CTNNA3: variants seen among roughly 807,000 people sequenced by gnomAD.
CTNNA3 encodes the protein catenin alpha-3.
A neutral mutation model predicts 95.7 loss-of-function variants in CTNNA3; 76 were observed. That is an observed-to-expected ratio of 0.79 (90% CI 0.66 to 0.96). The LOEUF (loss-of-function observed/expected upper bound fraction) is 0.96, where lower values mean the gene tolerates loss of function less well. Among genes scored for constraint, CTNNA3 ranks in the 40% least tolerant of loss-of-function variants. The pLI is 0.00. For synonymous variants in CTNNA3, 431 were observed against 374.4 expected (o/e 1.15, Z -1.74); for missense variants, 1,191 against 1,089.8 (o/e 1.09, Z -1.31).
At chr10:66,899,174 C>G (rs549151851) in intron 7 of CTNNA3, among the ~76,000 whole-genome samples, 3 of 152,030 alleles carry the variant, frequency 2.0e-5, no homozygotes, top group African/African-American at 7.2e-5. Context: ...CACACACCTG[C>G]TAGGATGGCT....
At chr10:66,283,742 C>T (rs890818929) in intron 12 of CTNNA3, among the ~76,000 whole-genome samples, 4 of 151,898 alleles carry the variant, frequency 2.6e-5, no homozygotes, top group Non-Finnish European at 4.4e-5. Flanking sequence ...ATTCATTTCT[C>T]ATTTCATTAG....
At chr10:67,450,151 T>C (rs532913910) in intron 5 of CTNNA3, among the ~76,000 whole-genome samples, 2 of 152,282 alleles carry the variant, frequency 1.3e-5, no homozygotes, top group East Asian at 3.9e-4. Flanking sequence ...AAATAACACA[T>C]GCTGGTCAAG....
intron 5 of CTNNA3, among the ~76,000 whole-genome samples, chr10:67,362,604 T>A (rs1005026598): frequency 2.0e-5 from 3 of 151,796 alleles, no homozygotes; most frequent in Non-Finnish European, 2.9e-5. Flanking sequence ...CGAGCATATC[T>A]CAAAATAATA....
intron 7 of CTNNA3, among the ~76,000 whole-genome samples, chr10:67,000,092 A>G (rs544033749): frequency 6.6e-6 from 1 of 152,272 alleles, no homozygotes; most frequent in Admixed American, 6.5e-5. Flanking sequence ...TTTTCTCCAT[A>G]TTTCTAACAA....
intron 10 of CTNNA3, among the ~76,000 whole-genome samples, chr10:66,612,968 A>C (rs1589496482): frequency 6.6e-6 from 1 of 152,084 alleles, no homozygotes; most frequent in Non-Finnish European, 1.5e-5. Context: ...TTTGATTATA[A>C]ACTTAATGTC....
At chr10:65,990,097 ACACACACACACAC>A (rs2078511028) in intron 15 of CTNNA3, among the ~76,000 whole-genome samples, 1 of 68,036 alleles carries the variant, frequency 1.5e-5, no homozygotes, top group Non-Finnish European at 2.6e-5. Flanking sequence ...GTGTGTGTAT[ACACACACACACAC>A]CACATTTTAT....
At chr10:66,868,052 G>A (rs184814157) in intron 7 of CTNNA3, among the ~76,000 whole-genome samples, 80 of 148,492 alleles carry the variant, frequency 5.4e-4, no homozygotes, top group African/African-American at 1.5e-3. Flanking sequence ...TAATAATAAT[G>A]ATTGCTATAT....
intron 7 of CTNNA3, among the ~76,000 whole-genome samples, chr10:66,983,549 G>T (rs1273375442): frequency 1.3e-5 from 2 of 151,676 alleles, no homozygotes; most frequent in African/African-American, 4.9e-5. Flanking sequence ...CCCAACCATG[G>T]TAACATCTAA....
chr10:66,479,950 T>TCACACA (rs71466882), intron 11 of CTNNA3, among the ~76,000 whole-genome samples: 48,144 of 145,206 alleles, frequency 0.33, 8,684 homozygotes, highest in Non-Finnish European at 0.4. Context: ...ACCAAAGCAT[T>TCACACA]CACACACACA....
chr10:66,578,503 T>C (rs1843076637), intron 10 of CTNNA3, among the ~76,000 whole-genome samples: 1 of 152,020 alleles, frequency 6.6e-6, no homozygotes, highest in African/African-American at 2.4e-5. Flanking sequence ...TGATGCCTAA[T>C]TTCTTGAGGG....
chr10:67,588,228 TATTATTAATTATTAATAATTA>T (rs754471741), intron 3 of CTNNA3, among the ~76,000 whole-genome samples: 61,160 of 151,788 alleles, frequency 0.4, 15,849 homozygotes, highest in African/African-American at 0.71. Flanking sequence ...AGATCTATCT[TATTATTAATTATTAATAATTA>T]AGAATTATTG....
intron 1 of CTNNA3, among the ~76,000 whole-genome samples, chr10:67,754,611 C>T (rs779991352): frequency 1.8e-4 from 28 of 152,094 alleles, no homozygotes; most frequent in Admixed American, 6.5e-4. Flanking sequence ...GGAAATGCTC[C>T]AGGACATTGG....
chr10:66,600,469 A>T (rs1251441818), intron 10 of CTNNA3, among the ~76,000 whole-genome samples: 2 of 151,792 alleles, frequency 1.3e-5, no homozygotes, highest in Non-Finnish European at 3.0e-5. Context: ...TTTAGTCAAA[A>T]GCTTTGACTA....
chr10:66,171,430 C>T (rs929625586), intron 13 of CTNNA3, among the ~76,000 whole-genome samples: 3 of 151,390 alleles, frequency 2.0e-5, no homozygotes, highest in African/African-American at 7.3e-5. Flanking sequence ...CCCGTAACCC[C>T]AGCTACTTGG....
At chr10:66,266,148 G>A (rs1258102672) in intron 13 of CTNNA3, among the ~76,000 whole-genome samples, 1 of 151,128 alleles carries the variant, frequency 6.6e-6, no homozygotes, top group East Asian at 2.0e-4. Flanking sequence ...AGGAAAGAAG[G>A]AAGGAAGGAA....
intron 13 of CTNNA3, among the ~76,000 whole-genome samples, chr10:66,255,650 A>G (rs144834378): frequency 1.3e-5 from 2 of 152,098 alleles, no homozygotes; most frequent in Non-Finnish European, 2.9e-5. Flanking sequence ...CCCCATAAAC[A>G]GATACTTTAT....
chr10:66,504,124 G>A (rs1220772135), intron 11 of CTNNA3, among the ~76,000 whole-genome samples: 2 of 152,016 alleles, frequency 1.3e-5, no homozygotes, highest in Admixed American at 1.3e-4. Context: ...ACTATAGTCA[G>A]CTTGTTGTAT....
intron 2 of CTNNA3, among the ~76,000 whole-genome samples, chr10:67,638,234 C>T (rs1272203421): frequency 3.3e-5 from 5 of 152,152 alleles, no homozygotes; most frequent in African/African-American, 9.7e-5. Context: ...ATAAGACAGA[C>T]TTTAAACCAA....
At chr10:67,062,099 T>C (rs752621769) in intron 7 of CTNNA3, among the ~76,000 whole-genome samples, 1 of 151,924 alleles carries the variant, frequency 6.6e-6, no homozygotes, top group Non-Finnish European at 1.5e-5. Flanking sequence ...TGAACCACTT[T>C]ATATATATAT....
Sources: gnomAD v4.1 joint callset for allele counts (sites outside exome capture counted in the v4.1 genomes callset) on GRCh38, gnomAD v4.1.1 for gene constraint, MANE v1.5 for transcripts, NCBI Gene and HGNC (gene_info 2026-07-23, HGNC 2026-07-21) for gene names.